UBE2QL1: variants seen among roughly 807,000 people sequenced by gnomAD.
The protein encoded by UBE2QL1 is ubiquitin conjugating enzyme E2 QL1, also known as ubiquitin-conjugating enzyme E2Q-like protein 1.
In UBE2QL1, 5 loss-of-function variants were observed where a neutral mutation model predicts 12.6. The ratio of observed to expected loss-of-function variants is 0.40; its 90% confidence interval spans 0.21 to 0.83. The LOEUF (loss-of-function observed/expected upper bound fraction) is 0.83, where lower values mean the gene tolerates loss of function less well. Among genes scored for constraint, UBE2QL1 ranks in the 40% least tolerant of loss-of-function variants. UBE2QL1 has a pLI of 0.37. For missense variants in UBE2QL1, 99 were observed against 222.6 expected (o/e 0.44, Z 3.53); for synonymous variants, 96 against 94.5 (o/e 1.02, Z -0.10).
At chr5:6,485,176 C>T (rs962874024) in intron 1 of UBE2QL1, among the ~76,000 whole-genome samples, 1 of 152,132 alleles carries the variant, frequency 6.6e-6, no homozygotes, top group Non-Finnish European at 1.5e-5. Flanking sequence ...TGCACACACA[C>T]ACCCCCAGGC....
At chr5:6,489,752 A>C (rs1260623471) in intron 1 of UBE2QL1, among the ~76,000 whole-genome samples, 2 of 152,206 alleles carry the variant, frequency 1.3e-5, no homozygotes, top group African/African-American at 4.8e-5. Context: ...GTTATCAGAG[A>C]GCCAGGATCA....
intron 1 of UBE2QL1, among the ~76,000 whole-genome samples, chr5:6,458,198 C>A (rs1407538921): frequency 6.6e-6 from 1 of 152,194 alleles, no homozygotes; most frequent in East Asian, 1.9e-4. Flanking sequence ...AAAATAATTT[C>A]TCTAAAATAA....
chr5:6,453,809 G>T (rs951218864), intron 1 of UBE2QL1, among the ~76,000 whole-genome samples: 1 of 152,192 alleles, frequency 6.6e-6, no homozygotes, highest in African/African-American at 2.4e-5. Context: ...AAAACCAGCA[G>T]TCTCATCAGA....
chr5:6,483,642 G>A (rs143600696), intron 1 of UBE2QL1, among the ~76,000 whole-genome samples: 4 of 152,292 alleles, frequency 2.6e-5, no homozygotes, highest in East Asian at 3.9e-4. Context: ...AAACATTCTC[G>A]CTAGAGAGAG....
chr5:6,473,701 AGT>A (rs1358128344), intron 1 of UBE2QL1, among the ~76,000 whole-genome samples: 1 of 152,242 alleles, frequency 6.6e-6, no homozygotes, highest in Non-Finnish European at 1.5e-5. Flanking sequence ...AGAAAACCTC[AGT>A]ACCGTAAGAG....
At chr5:6,463,918 C>T (rs1430884051) in intron 1 of UBE2QL1, among the ~76,000 whole-genome samples, 7 of 152,000 alleles carry the variant, frequency 4.6e-5, no homozygotes, top group African/African-American at 9.7e-5. Flanking sequence ...TGAGCCACCG[C>T]GCCCAGCCTG....
chr5:6,450,606 G>A (rs1236119954), intron 1 of UBE2QL1, among the ~76,000 whole-genome samples: 4 of 152,156 alleles, frequency 2.6e-5, no homozygotes, highest in Non-Finnish European at 2.9e-5. Flanking sequence ...TTCCCTGCCT[G>A]GCACTTTCAC....
rs1404114262 is a variant in UBE2QL1, at chr5:6,481,064, T to C, written c.355-10154T>C. On this transcript the variant is annotated intron_variant, in intron 1 of 1. Coordinates refer to ENST00000399816, the MANE Select transcript of UBE2QL1 (RefSeq NM_001145161.3). The surrounding 1 kb of genome is among the most constrained non-coding windows in gnomAD (Gnocchi z 4.5). ...GGAGTTTTTAAGGTTTTGATAGTAT[T>C]ATAAACCAAGTAACCATCACACATC... is the stretch of plus-strand genomic sequence containing the variant. 1.3e-5 allele frequency among the ~76,000 whole-genome samples: 2 copies of C among 152,200 alleles called. No individual in the cohort carries two copies. Among genetic ancestry groups the C allele is most frequent in the Non-Finnish European group, 2.9e-5 (2 of 68,032 alleles).
At chr5:6,462,415 A>T (rs1001493818) in intron 1 of UBE2QL1, among the ~76,000 whole-genome samples, 4 of 152,130 alleles carry the variant, frequency 2.6e-5, no homozygotes, top group African/African-American at 9.7e-5. Context: ...CAACAGAGGG[A>T]TCCTGGACTG....
At chr5:6,483,732 G>A (rs1186752269) in intron 1 of UBE2QL1, among the ~76,000 whole-genome samples, 1 of 152,170 alleles carries the variant, frequency 6.6e-6, no homozygotes, top group African/African-American at 2.4e-5. Context: ...GTGGGAGCAG[G>A]GCCATGGAGG....
intron 1 of UBE2QL1, among the ~76,000 whole-genome samples, chr5:6,482,031 G>A (rs1734372963): frequency 6.6e-6 from 1 of 152,222 alleles, no homozygotes; most frequent in South Asian, 2.1e-4. Context: ...AGGAGGTCTT[G>A]CTGGGTTAGG....
At chr5:6,463,874 G>T (rs943640977) in intron 1 of UBE2QL1, among the ~76,000 whole-genome samples, 4 of 151,930 alleles carry the variant, frequency 2.6e-5, no homozygotes, top group Admixed American at 1.3e-4. Context: ...TGATCCACCC[G>T]CCTCGGCCTC....
chr5:6,469,351 A>G (rs1233372946), intron 1 of UBE2QL1, among the ~76,000 whole-genome samples: 2 of 151,594 alleles, frequency 1.3e-5, no homozygotes, highest in Non-Finnish European at 2.9e-5. Flanking sequence ...AAATATTATA[A>G]GGCTGGGTTC....
In UBE2QL1 at chr5:6,478,195, T is replaced by C. The variant is rs998253928; in HGVS notation, c.355-13023T>C. Among the ~76,000 whole-genome samples, 1 of 152,242 alleles carries C rather than the reference T, an allele frequency of 6.6e-6. No individual in the cohort carries two copies. The highest frequency in any genetic ancestry group is 2.4e-5 in the African/African-American group (1 of 41,464). On this transcript the variant is annotated intron_variant, in intron 1 of 1. Transcript: ENST00000399816. The surrounding 1 kb of genome is among the most constrained non-coding windows in gnomAD (Gnocchi z 4.5). ...CACACGGAAATTTTACCTGAAAATA[T>C]ATCTGAAGACTTCCAGTGGTTCCAA...
chr5:6,466,310 C>T (rs563389585), intron 1 of UBE2QL1, among the ~76,000 whole-genome samples: 9 of 152,220 alleles, frequency 5.9e-5, no homozygotes, highest in Middle Eastern at 3.2e-3. Flanking sequence ...TCACGAGCCC[C>T]TCACACCCCA....
chr5:6,456,147 C>T (rs1560927499), intron 1 of UBE2QL1, among the ~76,000 whole-genome samples: 1 of 152,234 alleles, frequency 6.6e-6, no homozygotes, highest in Non-Finnish European at 1.5e-5. Context: ...GTGCCTGCCA[C>T]AGGGAACGTA....
chr5:6,473,182 T>C (rs1259112643), intron 1 of UBE2QL1, among the ~76,000 whole-genome samples: 2 of 152,248 alleles, frequency 1.3e-5, no homozygotes, highest in African/African-American at 4.8e-5. Flanking sequence ...CCCTCTGCTC[T>C]TCCTTTTCAA....
intron 1 of UBE2QL1, among the ~76,000 whole-genome samples, chr5:6,470,025 G>A (rs954501127): frequency 3.9e-5 from 6 of 152,184 alleles, no homozygotes; most frequent in South Asian, 2.1e-4. Flanking sequence ...CAGCGATGCC[G>A]GGGCCGCAGT....
At chr5:6,485,697 C>G (rs1282734724) in intron 1 of UBE2QL1, among the ~76,000 whole-genome samples, 1 of 152,108 alleles carries the variant, frequency 6.6e-6, no homozygotes, top group East Asian at 1.9e-4. Flanking sequence ...CAAAACTTTA[C>G]GTAAGCAGTC....
Sources: allele counts gnomAD v4.1 joint callset (sites outside exome capture counted in the v4.1 genomes callset), GRCh38; gene constraint gnomAD v4.1.1; non-coding constraint Gnocchi (gnomAD v3.1); transcripts MANE v1.5; gene names NCBI Gene and HGNC (gene_info 2026-07-23, HGNC 2026-07-21).